The following ABCA1 variants were observed in gnomAD, a reference collection of about 807,000 sequenced individuals.
ABCA1 encodes the protein ATP binding cassette subfamily A member 1.
A neutral mutation model predicts 262.5 loss-of-function variants in ABCA1; 133 were observed. The observed-to-expected ratio is 0.51, with a 90% CI of 0.44 to 0.59. The LOEUF is 0.59. Ranked by LOEUF, ABCA1 falls within the 20% of genes least tolerant of loss-of-function variation. The pLI, the probability that ABCA1 is intolerant of heterozygous loss-of-function variation, is 0.00. For missense variants in ABCA1, 2,452 were observed against 2,777.5 expected (o/e 0.88, Z 2.63); for synonymous variants, 1,022 against 1,043.5 (o/e 0.98, Z 0.40).
At chr9:104,787,057 C>T (rs1288637802) in intron 46 of ABCA1, 81 bp from the exon 47 acceptor site, 1 of 1,197,164 alleles carries the variant, frequency 8.4e-7, no homozygotes, top group Admixed American at 2.1e-5. Flanking sequence ...GCAGAAGCAT[C>T]TTTGAAACAG....
In ABCA1 at chr9:104,906,422, A is replaced by T. The variant is rs369304727; in HGVS notation, c.-92-2651T>A. On this transcript the variant is annotated intron_variant, in intron 1 of 49. Transcript: ENST00000374736. Reference sequence around the variant, plus strand: ...GGAAGTAAAGTGTCTGGGTTTCAAGAAAAAGGTTCTGACTCCAAGGACTCT... The same window carrying T: ...GGAAGTAAAGTGTCTGGGTTTCAAGTAAAAGGTTCTGACTCCAAGGACTCT... Among the ~76,000 whole-genome samples the T allele has an allele frequency of 2.0e-4, 31 of 152,294 alleles. 1 individual carries two copies. Among genetic ancestry groups the T allele is most frequent in the African/African-American group, 6.5e-4 (27 of 41,550 alleles).
At chr9:104,890,793 TC>T (rs1412737364) in intron 2 of ABCA1, among the ~76,000 whole-genome samples, 1 of 152,022 alleles carries the variant, frequency 6.6e-6, no homozygotes, top group African/African-American at 2.4e-5. Flanking sequence ...GATCTTCAAG[TC>T]CTTATATTTT....
intron 17 of ABCA1, 134 bp downstream of exon 17, chr9:104,825,549 G>T: frequency 1.2e-6 from 1 of 862,382 alleles, no homozygotes; most frequent in Non-Finnish European, 1.9e-6. Context: ...GCCTGTCCTT[G>T]GACTATCTGT....
chr9:104,900,360 G>A (rs972860981), intron 2 of ABCA1, among the ~76,000 whole-genome samples: 5 of 152,252 alleles, frequency 3.3e-5, no homozygotes, highest in South Asian at 2.1e-4. Context: ...CTCTGTGCTG[G>A]GCTCTGAGGC....
chr9:104,903,870 AAC>A lies in ABCA1; in HGVS notation c.-92-101_-92-100del. 7.8e-6 allele frequency: 5 copies of A among 637,456 alleles called. No homozygotes were observed. The Admixed American group carries it at 9.5e-5, about 12-fold the overall frequency. 39.5% of individuals were successfully genotyped at this position (637,456 alleles called of 1,614,324 possible). A position where few individuals can be genotyped will look rare whatever the true frequency, so the allele number is the denominator to read the frequency against. ...TCCAGCCCTCTCAGCTGAGACCTCCAACACACAGCTCTGCATCATGACTGCTT... is the reference window on the plus strand; with the variant it reads ...TCCAGCCCTCTCAGCTGAGACCTCCAACACAGCTCTGCATCATGACTGCTT... On this transcript the variant is annotated intron_variant, in intron 1 of 49. Transcript: ENST00000374736.
chr9:104,919,869 C>G (rs1842046292), intron 1 of ABCA1, among the ~76,000 whole-genome samples: 1 of 152,210 alleles, frequency 6.6e-6, no homozygotes, highest in Non-Finnish European at 1.5e-5. Context: ...TTCCTCTCCT[C>G]CCTCTCATTC....
chr9:104,784,348 T>A lies in ABCA1; in HGVS notation c.6753A>T (p.Leu2251=). 1.2e-6 allele frequency: 2 copies of A among 1,614,116 alleles called. No homozygotes were observed. The highest frequency in any genetic ancestry group is 2.2e-5 in the South Asian group (2 of 91,078). The part of the protein sequence containing the change: ...VVDVAVLTSF[L]QDEKVKESYV ...AGCTTTCTTTCACTTTCTCATCCTG[T>A]AGAAAAGATGTGAGAACTGCAACGT... Residue 2251 remains leucine (L), a synonymous_variant, in exon 50 of 50, where the codon CTA becomes CTT. Coordinates refer to ENST00000374736, the MANE Select transcript of ABCA1 (RefSeq NM_005502.4).
Position 104,792,842 on chromosome 9 carries a change from T to C in ABCA1, c.5701A>G (p.Arg1901Gly). Residue 1901 changes from arginine to glycine, a missense_variant, in exon 42 of 50, where the codon AGA becomes GGA. Coordinates refer to ENST00000374736, the MANE Select transcript of ABCA1 (RefSeq NM_005502.4). ...EDEDVRRERQ[R>G]ILDGGGQNDI... ...TTCTGGCCTCCACCATCAAGAATTC[T>C]CTGTCTTTCCCGCCTCACATCTTCA... The C allele has an allele frequency of 6.2e-7, 1 of 1,614,186 alleles. No homozygotes were observed. Among genetic ancestry groups the C allele is most frequent in the Non-Finnish European group, 8.5e-7 (1 of 1,180,012 alleles).
In ABCA1 at chr9:104,825,759, G is replaced by A. The variant is rs1487803199; in HGVS notation, c.2466C>T (p.Thr822=). The A allele has an allele frequency of 1.2e-6, 2 of 1,614,216 alleles. No homozygotes were observed. Among genetic ancestry groups the A allele is most frequent in the Admixed American group, 3.3e-5 (2 of 60,028 alleles). The change falls in exon 17 of 50, where the codon ACC becomes ACT. Residue 822 remains threonine, a synonymous_variant. Coordinates refer to ENST00000374736, the MANE Select transcript of ABCA1 (RefSeq NM_005502.4). ...CAAACAGCATCATGGAGACCGAAGTGGTGAGATTGAAGCCATCTTCCTCCA... is the reference window on the plus strand; with the variant it reads ...CAAACAGCATCATGGAGACCGAAGTAGTGAGATTGAAGCCATCTTCCTCCA... ...SPVEEDGFNL[T]TSVSMMLFDT...
rs1829705188 is a variant in ABCA1 at position 104,794,512 on chromosome 9, T to TTAAA, written c.5383-3_5383-2insTTTA. The TTAAA allele has an allele frequency of 2.3e-6, 3 of 1,288,924 alleles. No homozygotes were observed. Among genetic ancestry groups the TTAAA allele is most frequent in the Non-Finnish European group, 3.1e-6 (3 of 973,280 alleles). The allele number at this position is 1,288,924 out of a possible 1,614,324, so 79.8% of individuals were successfully genotyped here. On this transcript the variant is annotated splice_polypyrimidine_tract_variant and splice_region_variant and intron_variant, in intron 39 of 49. Coordinates refer to ENST00000374736, the MANE Select transcript of ABCA1 (RefSeq NM_005502.4). ...GATATCATTGATATTATTCAGCTTCTAAAAAAAAAAAAAAAAAATGGGAGG... is the reference window on the plus strand; with the variant it reads ...GATATCATTGATATTATTCAGCTTCTTAAAAAAAAAAAAAAAAAAAAATGGGAGG...
intron 37 of ABCA1, among the ~76,000 whole-genome samples, chr9:104,797,037 G>C (rs752662863): frequency 1.2e-4 from 18 of 152,228 alleles, no homozygotes; most frequent in Non-Finnish European, 2.5e-4. Flanking sequence ...AAGAACTGCA[G>C]CTTCAGACTA....
chr9:104,926,732 G>A (rs1394846689), intron 1 of ABCA1, among the ~76,000 whole-genome samples: 3 of 152,192 alleles, frequency 2.0e-5, no homozygotes, highest in Non-Finnish European at 4.4e-5. Flanking sequence ...CCGCCCGCCG[G>A]GGTTACTCCC....
intron 1 of ABCA1, among the ~76,000 whole-genome samples, chr9:104,904,672 T>C (rs1463200469): frequency 2.0e-5 from 3 of 151,864 alleles, no homozygotes; most frequent in Non-Finnish European, 4.4e-5. Context: ...TACCGACACC[T>C]GGCTCTCAGG....
Position 104,820,045 on chromosome 9 carries a change from C to A in ABCA1, c.2985G>T (p.Trp995Cys). ...AGAGCCCTTTCAAGCGGGCATAGAACCAGATGTGTTCTTCGACAGTCAGCC... is the reference window on the plus strand; with the variant it reads ...AGAGCCCTTTCAAGCGGGCATAGAAACAGATGTGTTCTTCGACAGTCAGCC... Reference protein sequence around the residue: ...FDMLTVEEHIWFYARLKGLSE... With the variant: ...FDMLTVEEHICFYARLKGLSE... The change falls in exon 21 of 50, where the codon TGG (tryptophan) becomes TGT (cysteine). Residue 995 changes from tryptophan (W) to cysteine (C), a missense_variant. By Grantham distance (215) the Trp-to-Cys change is radical. This residue lies in a region of ABCA1 where 665 missense variants were observed against 727.3 expected (regional missense o/e 0.91). Transcript: ENST00000374736. The A allele has an allele frequency of 6.2e-7, 1 of 1,614,180 alleles. No homozygotes were observed. The highest frequency in any genetic ancestry group is 8.5e-7 in the Non-Finnish European group (1 of 1,180,038).
intron 33 of ABCA1, among the ~76,000 whole-genome samples, chr9:104,802,564 C>T (rs894163615): frequency 1.2e-4 from 18 of 152,152 alleles, no homozygotes; most frequent in Non-Finnish European, 1.3e-4. Flanking sequence ...GCTCCGGCTC[C>T]TTTCTAGCAT....
At chr9:104,801,464 C>T (rs1830330021) in intron 34 of ABCA1, among the ~76,000 whole-genome samples, 1 of 152,036 alleles carries the variant, frequency 6.6e-6, no homozygotes, top group African/African-American at 2.4e-5. Context: ...TTGTGCTTTG[C>T]CCGCCTCGGC....
chr9:104,843,289 G>A (rs886097488), intron 8 of ABCA1, among the ~76,000 whole-genome samples: 9 of 152,168 alleles, frequency 5.9e-5, no homozygotes, highest in Non-Finnish European at 1.2e-4. Flanking sequence ...GCAGCTGGTC[G>A]GTGCTGGGTG....
chr9:104,863,453 G>A (rs1836810412), intron 5 of ABCA1, among the ~76,000 whole-genome samples: 1 of 152,158 alleles, frequency 6.6e-6, no homozygotes, highest in South Asian at 2.1e-4. Flanking sequence ...TCATTTACCA[G>A]AAGAGAAACA....
chr9:104,927,330 G>C (rs1184079615), intron 1 of ABCA1, among the ~76,000 whole-genome samples: 1 of 152,112 alleles, frequency 6.6e-6, no homozygotes, highest in African/African-American at 2.4e-5. Context: ...GTCAAACAAA[G>C]ACCCAAGGCC....
Sources: allele counts gnomAD v4.1 joint callset (sites outside exome capture counted in the v4.1 genomes callset), GRCh38; gene constraint gnomAD v4.1.1; regional missense constraint gnomAD v4.1.1; transcripts MANE v1.5; gene names NCBI Gene and HGNC (gene_info 2026-07-23, HGNC 2026-07-21).